PTPRD: variants seen among roughly 807,000 people sequenced by gnomAD.
PTPRD encodes receptor-type tyrosine-protein phosphatase delta.
In PTPRD, 34 loss-of-function variants were observed where a neutral mutation model predicts 214.5. That is an observed-to-expected ratio of 0.16 (90% CI 0.12 to 0.21). PTPRD has a LOEUF of 0.21. PTPRD is among the 10% of genes least tolerant of loss of function. The pLI, the probability that PTPRD is intolerant of heterozygous loss-of-function variation, is 1.00. For synonymous variants in PTPRD, 1,128 were observed against 845.7 expected (o/e 1.33, Z -5.79); for missense variants, 2,545 against 2,398.7 (o/e 1.06, Z -1.27).
chr9:8,333,016 T>C (rs1587871005), intron 43 of PTPRD, among the ~76,000 whole-genome samples: 1 of 150,958 alleles, frequency 6.6e-6, no homozygotes, highest in East Asian at 1.9e-4. Context: ...AGAGAGGATC[T>C]CAGTGTGAGA....
At chr9:10,062,604 C>T (rs1355557407) in intron 3 of PTPRD, among the ~76,000 whole-genome samples, 2 of 152,000 alleles carry the variant, frequency 1.3e-5, no homozygotes, top group Non-Finnish European at 2.9e-5. Context: ...GAAACTCAGT[C>T]TCAAGAAAAT....
At chr9:9,722,283 C>T (rs2097966125) in intron 7 of PTPRD, among the ~76,000 whole-genome samples, 1 of 151,924 alleles carries the variant, frequency 6.6e-6, no homozygotes, top group African/African-American at 2.4e-5. Flanking sequence ...TATGGATTTC[C>T]CTATTCTGGA....
chr9:8,776,649 T>G (rs1238330339), intron 11 of PTPRD, among the ~76,000 whole-genome samples: 2 of 151,826 alleles, frequency 1.3e-5, no homozygotes, highest in Non-Finnish European at 2.9e-5. Flanking sequence ...ATGGGCTCTG[T>G]AAGATTATTT....
chr9:9,046,544 C>G (rs145781305), intron 10 of PTPRD, among the ~76,000 whole-genome samples: 4 of 152,138 alleles, frequency 2.6e-5, no homozygotes, highest in African/African-American at 7.2e-5. Context: ...TTGTTACTAA[C>G]GTCTTCCTAT....
chr9:10,535,238 A>G (rs1243102378), intron 2 of PTPRD, among the ~76,000 whole-genome samples: 2 of 152,168 alleles, frequency 1.3e-5, no homozygotes, highest in Non-Finnish European at 2.9e-5. Flanking sequence ...ACTGGATTTC[A>G]GTCAGGTTTT....
intron 3 of PTPRD, among the ~76,000 whole-genome samples, chr9:10,252,864 A>G (rs189834742): frequency 6.6e-6 from 1 of 152,048 alleles, no homozygotes; most frequent in East Asian, 1.9e-4. Flanking sequence ...ACTCACTGCA[A>G]CCTCCGCCTC....
intron 2 of PTPRD, among the ~76,000 whole-genome samples, chr9:10,474,003 A>G (rs1193694872): frequency 1.3e-5 from 2 of 152,152 alleles, no homozygotes; most frequent in Non-Finnish European, 2.9e-5. Context: ...TATGGAAAGG[A>G]AAAACCAGTA....
chr9:10,378,864 T>C (rs1424111699), intron 2 of PTPRD, among the ~76,000 whole-genome samples: 1 of 152,046 alleles, frequency 6.6e-6, no homozygotes, highest in Non-Finnish European at 1.5e-5. Flanking sequence ...ATGTCATTGG[T>C]ATTTTAATAG....
chr9:10,543,475 TATATAC>T (rs1485203528), intron 2 of PTPRD, among the ~76,000 whole-genome samples: 35 of 104,358 alleles, frequency 3.4e-4, no homozygotes, highest in African/African-American at 2.9e-4. Flanking sequence ...TTAATATATA[TATATAC>T]ACACACACAC....
intron 10 of PTPRD, among the ~76,000 whole-genome samples, chr9:9,172,294 G>T (rs956388268): frequency 6.6e-6 from 1 of 152,074 alleles, no homozygotes; most frequent in African/African-American, 2.4e-5. Context: ...CCTTTCAGTG[G>T]CAAAATGTAC....
chr9:8,404,688 C>T (rs202100644), intron 35 of PTPRD, 28 bp from the exon 36 acceptor site: 179 of 1,583,812 alleles, frequency 1.1e-4, no homozygotes, highest in Non-Finnish European at 1.4e-4. Flanking sequence ...CACATATACA[C>T]AAAATCAATA....
Position 10,091,961 on chromosome 9 carries a change from G to C in PTPRD, c.-544-58171C>G, listed in dbSNP as rs375597596. ...CTTCAGAGTAGTAGTACAGTACAAGGTGTGTATGAGCATAGATAACTTAGG... is the reference window on the plus strand; with the variant it reads ...CTTCAGAGTAGTAGTACAGTACAAGCTGTGTATGAGCATAGATAACTTAGG... On this transcript the variant is annotated intron_variant, in intron 3 of 45. Transcript: ENST00000381196. Among the ~76,000 whole-genome samples, 12 of 151,478 alleles carry C rather than the reference G, an allele frequency of 7.9e-5. No individual in the cohort carries two copies. In the South Asian group the frequency reaches 8.3e-4, roughly 10 times the overall value.
rs1175388764 is a variant in PTPRD, at chr9:8,370,203, T to TAC, written c.4661+5732_4661+5733insGT. ...TCTCTATTCATGCACTGCACATATA[T>TAC]ATATACACACACACACACACACACA... On this transcript the variant is annotated intron_variant, in intron 39 of 45. Transcript: ENST00000381196. Among the ~76,000 whole-genome samples, 62 of 41,176 alleles carry TAC rather than the reference T, an allele frequency of 1.5e-3. 1 individual carries two copies. Among genetic ancestry groups the TAC allele is most frequent in the Middle Eastern group, 9.3e-3 (1 of 108 alleles). 27.0% of individuals were successfully genotyped at this position (41,176 alleles called of 152,430 possible).
intron 11 of PTPRD, among the ~76,000 whole-genome samples, chr9:8,756,826 G>C (rs539995015): frequency 6.6e-6 from 1 of 152,206 alleles, no homozygotes; most frequent in South Asian, 2.1e-4. Flanking sequence ...AAGCCAAAGA[G>C]TTGAAATATG....
At chr9:10,294,927 A>G (rs528107811) in intron 3 of PTPRD, among the ~76,000 whole-genome samples, 77 of 152,076 alleles carry the variant, frequency 5.1e-4, no homozygotes, top group African/African-American at 1.7e-3. Context: ...TTTGACATCC[A>G]TTTGTTTTCC....
chr9:10,339,650 G>A (rs981234511), intron 3 of PTPRD, among the ~76,000 whole-genome samples: 1 of 151,460 alleles, frequency 6.6e-6, no homozygotes, highest in Non-Finnish European at 1.5e-5. Context: ...ATGGATATTG[G>A]GACCTCCTCA....
chr9:10,133,304 A>G lies in PTPRD; in HGVS notation c.-544-99514T>C, dbSNP rs540074374. The stretch of plus-strand genomic sequence containing the variant: ...TGTCAGAAAGAAAATAAAGAAAAAA[A>G]GCTGATGGGGAATTGCAGAAAGTAC... On this transcript the variant is annotated intron_variant, in intron 3 of 45. Coordinates refer to ENST00000381196, the MANE Select transcript of PTPRD (RefSeq NM_002839.4). 3.3e-5 allele frequency among the ~76,000 whole-genome samples: 5 copies of G among 152,294 alleles called. No homozygotes were observed. In the South Asian group the frequency reaches 8.3e-4, roughly 25 times the overall value.
chr9:10,387,300 G>A (rs780139062), intron 2 of PTPRD, among the ~76,000 whole-genome samples: 1 of 151,834 alleles, frequency 6.6e-6, no homozygotes, highest in Non-Finnish European at 1.5e-5. Context: ...TCAGTGACAT[G>A]AGCCATATGT....
At position 9,973,483 on chromosome 9, in the gene PTPRD, AT is replaced by A. The variant is rs533256581; in HGVS notation, c.-471-34874del. ...TGAGACCTTGTCTCAAAAAAAAAAA[AT>A]TAAAAGTAGATGTTTTCATGACAAG... On this transcript the variant is annotated intron_variant, in intron 4 of 45. Transcript: ENST00000381196. Among the ~76,000 whole-genome samples the A allele has an allele frequency of 2.1e-3, 319 of 152,112 alleles. 1 individual carries two copies. The highest frequency in any genetic ancestry group is 7.0e-3 in the African/African-American group (290 of 41,482).
Sources: allele counts gnomAD v4.1 joint callset (sites outside exome capture counted in the v4.1 genomes callset), GRCh38; gene constraint gnomAD v4.1.1; transcripts MANE v1.5; gene names NCBI Gene and HGNC (gene_info 2026-07-23, HGNC 2026-07-21).